ARHGAP42: variants seen among roughly 807,000 people sequenced by gnomAD.
ARHGAP42 encodes the protein Rho GTPase activating protein 42, also known as rho GTPase-activating protein 42.
Under a neutral mutation model 125.0 loss-of-function variants are expected in ARHGAP42, and 63 were observed. The ratio of observed to expected loss-of-function variants is 0.50; its 90% CI spans 0.41 to 0.62. ARHGAP42 has a LOEUF of 0.62. Among genes scored for constraint, ARHGAP42 ranks in the 20% least tolerant of loss-of-function variants. The probability of loss-of-function intolerance (pLI) is 0.00; values close to 1 mark genes in which losing one functional copy is unlikely to be tolerated. For synonymous variants in ARHGAP42, 339 were observed against 351.0 expected, an observed-to-expected ratio of 0.97 and a Z score of 0.38; for missense variants, 766 against 1,024.2, an observed-to-expected ratio of 0.75 and a Z score of 3.44.
chr11:100,903,712 ATATATATATATATATATAT>A (rs1866632224), intron 4 of ARHGAP42, among the ~76,000 whole-genome samples: 14 of 33,428 alleles, frequency 4.2e-4, no homozygotes, highest in African/African-American at 7.6e-4. Context: ...CCCTCAAAAT[ATATATATATATATATATAT>A]ATATATATAT....
At position 100,962,599 on chromosome 11, in the gene ARHGAP42, G is replaced by A. The variant is rs147171133; in HGVS notation, c.1444+132G>A. Reference sequence around the variant, plus strand: ...GCTTAAAAAGTTGTTAATCTGGGCCGGGTGCGGTGGCTCAAACCTGTAATT... The same window carrying A: ...GCTTAAAAAGTTGTTAATCTGGGCCAGGTGCGGTGGCTCAAACCTGTAATT... On this transcript the variant is annotated intron_variant, in intron 16 of 23. Coordinates refer to ENST00000298815, the MANE Select transcript of ARHGAP42 (RefSeq NM_152432.4). The A allele has an allele frequency of 2.4e-3, 1,899 of 800,460 alleles. 31 individuals carry two copies. Among genetic ancestry groups the A allele is most frequent in the South Asian group, 0.017 (869 of 50,176 alleles). The allele number at this position is 800,460 out of a possible 1,614,324, so 49.6% of individuals were successfully genotyped here. A position where few individuals can be genotyped will look rare whatever the true frequency, so the allele number is the denominator to read the frequency against.
intron 17 of ARHGAP42, among the ~76,000 whole-genome samples, chr11:100,969,202 T>G (rs1237557566): frequency 6.6e-6 from 1 of 152,148 alleles, no homozygotes; most frequent in Admixed American, 6.5e-5. Context: ...CTTCTAGCCT[T>G]TATTGTTTCT....
chr11:100,825,814 T>C (rs890765311), intron 3 of ARHGAP42, among the ~76,000 whole-genome samples: 1 of 152,222 alleles, frequency 6.6e-6, no homozygotes. Flanking sequence ...ATGTGTTTTA[T>C]GACTCCAATT....
intron 12 of ARHGAP42, among the ~76,000 whole-genome samples, chr11:100,958,182 C>T (rs1392050975): frequency 1.3e-5 from 2 of 151,972 alleles, no homozygotes; most frequent in Non-Finnish European, 2.9e-5. Context: ...TTCCATCTTA[C>T]CTGTCTCCTA....
At chr11:100,911,723 C>T (rs934031343) in intron 4 of ARHGAP42, among the ~76,000 whole-genome samples, 7 of 152,106 alleles carry the variant, frequency 4.6e-5, no homozygotes, top group African/African-American at 1.7e-4. Flanking sequence ...GAGGACTAGC[C>T]TCTCTATCCT....
At chr11:100,875,858 A>G (rs1591259983) in intron 4 of ARHGAP42, among the ~76,000 whole-genome samples, 1 of 152,166 alleles carries the variant, frequency 6.6e-6, no homozygotes, top group East Asian at 1.9e-4. Context: ...AAACTGTAGA[A>G]TTCAGATTTC....
At chr11:100,712,139 T>C (rs1861574874) in intron 1 of ARHGAP42, among the ~76,000 whole-genome samples, 1 of 152,184 alleles carries the variant, frequency 6.6e-6, no homozygotes, top group Admixed American at 6.5e-5. Context: ...TTGAGTTTTT[T>C]CGGGAACACA....
chr11:100,783,394 C>T (rs897780002), intron 2 of ARHGAP42, among the ~76,000 whole-genome samples: 2 of 152,200 alleles, frequency 1.3e-5, no homozygotes, highest in Non-Finnish European at 2.9e-5. Flanking sequence ...TGAGATCACA[C>T]CACTGCACTC....
chr11:100,781,520 T>A (rs914249743), intron 2 of ARHGAP42, among the ~76,000 whole-genome samples: 1 of 152,214 alleles, frequency 6.6e-6, no homozygotes, highest in Non-Finnish European at 1.5e-5. Context: ...GGTTACTTGT[T>A]CATTCACTCA....
At chr11:100,793,559 A>G (rs1863625892) in intron 2 of ARHGAP42, among the ~76,000 whole-genome samples, 12 of 152,244 alleles carry the variant, frequency 7.9e-5, no homozygotes, top group Admixed American at 7.9e-4. Context: ...AAGCCTAGTA[A>G]TTCTGAAAAG....
chr11:100,973,349 C>T lies in ARHGAP42; in HGVS notation c.1710+15C>T, dbSNP rs1345681648. The T allele has an allele frequency of 2.6e-6, 4 of 1,547,596 alleles. No homozygotes were observed. The highest frequency in any genetic ancestry group is 3.5e-6 in the Non-Finnish European group (4 of 1,145,762). ...ACTATGAAAAGGTAGGCGGAATTTT[C>T]ATGTGGAAGTGTCAAGTTTTATATC... On this transcript the variant is annotated intron_variant, in intron 18 of 23. Coordinates refer to ENST00000298815, the MANE Select transcript of ARHGAP42 (RefSeq NM_152432.4).
intron 6 of ARHGAP42, among the ~76,000 whole-genome samples, chr11:100,922,824 A>G (rs1313292722): frequency 6.6e-6 from 1 of 152,178 alleles, no homozygotes; most frequent in East Asian, 1.9e-4. Context: ...TTTGGAGCCT[A>G]CTGACTCTCT....
intron 10 of ARHGAP42, 80 bp from the exon 11 acceptor site, chr11:100,948,377 T>C (rs565823678): frequency 2.0e-5 from 21 of 1,072,802 alleles, no homozygotes; most frequent in Admixed American, 6.0e-5. Context: ...CTTTTTTTCT[T>C]CAAATTTTAT....
intron 1 of ARHGAP42, among the ~76,000 whole-genome samples, chr11:100,700,788 A>T (rs1591114885): frequency 6.6e-6 from 1 of 152,228 alleles, no homozygotes; most frequent in East Asian, 1.9e-4. Context: ...TTCAAGTCAT[A>T]TATAAGGGTT....
chr11:100,689,412 G>T (rs61908741), intron 1 of ARHGAP42, among the ~76,000 whole-genome samples: 33,349 of 152,132 alleles, frequency 0.22, 3,867 homozygotes, highest in Non-Finnish European at 0.25. Flanking sequence ...GGAGGTGCCA[G>T]ATATTCTACA....
chr11:100,899,092 G>A (rs11224509), intron 4 of ARHGAP42, among the ~76,000 whole-genome samples: 42,029 of 152,002 alleles, frequency 0.28, 7,169 homozygotes, highest in East Asian at 0.75. Flanking sequence ...CCTTCATTTC[G>A]TTATTTACCC....
rs183432691 is a variant in ARHGAP42, at chr11:100,969,436, A to T, written c.1550+3660A>T. On this transcript the variant is annotated intron_variant, in intron 17 of 23. Coordinates refer to ENST00000298815, the MANE Select transcript of ARHGAP42 (RefSeq NM_152432.4). The stretch of plus-strand genomic sequence containing the variant: ...AAAATTTTCAGCCACTATATCTTTG[A>T]GTATTTTTTTCTACTTCTCTCTTTC... 9.9e-5 allele frequency among the ~76,000 whole-genome samples: 15 copies of T among 152,190 alleles called. No individual in the cohort carries two copies. The East Asian group carries it at 2.7e-3, about 27-fold the overall frequency.
intron 3 of ARHGAP42, among the ~76,000 whole-genome samples, chr11:100,846,863 G>T (rs1239173186): frequency 6.6e-6 from 1 of 152,142 alleles, no homozygotes; most frequent in Admixed American, 6.6e-5. Context: ...GTGGAACAGA[G>T]AGAAGGATTG....
At chr11:100,880,904 A>G (rs1438613646) in intron 4 of ARHGAP42, among the ~76,000 whole-genome samples, 1 of 151,472 alleles carries the variant, frequency 6.6e-6, no homozygotes, top group African/African-American at 2.4e-5. Context: ...TCTTTTGAGA[A>G]TTTTTTATTC....
Sources: allele counts gnomAD v4.1 joint callset (sites outside exome capture counted in the v4.1 genomes callset), GRCh38; gene constraint gnomAD v4.1.1; transcripts MANE v1.5; gene names NCBI Gene and HGNC (gene_info 2026-07-23, HGNC 2026-07-21).